PRR33: variants seen among roughly 807,000 people sequenced by gnomAD.
PRR33 encodes the protein proline-rich protein 33.
A neutral mutation model predicts 0.5 loss-of-function variants in PRR33; 1 was observed. The ratio of observed to expected loss-of-function variants is 2.18; its 90% CI spans 0.77 to 10.34. The LOEUF (loss-of-function observed/expected upper bound fraction) is 10.34, where lower values mean the gene tolerates loss of function less well. Ranked by LOEUF, PRR33 falls within the 30% of genes most tolerant of loss-of-function variation. PRR33 has a pLI of 0.13. For missense variants in PRR33, 552 were observed against 251.8 expected, an observed-to-expected ratio of 2.19 and a Z score of -8.07; for synonymous variants, 226 against 110.0, an observed-to-expected ratio of 2.06 and a Z score of -6.60.
the PRR33 span, among the ~76,000 whole-genome samples, chr11:1,915,777 G>T: frequency 7.6e-6 from 1 of 132,238 alleles, no homozygotes; most frequent in African/African-American, 2.8e-5. Flanking sequence ...ATGGATGAAG[G>T]GAGGGTGGAT....
chr11:1,914,706 C>T, the PRR33 span, among the ~76,000 whole-genome samples: 2 of 136,838 alleles, frequency 1.5e-5, no homozygotes, highest in Non-Finnish European at 3.1e-5. Context: ...GGGTCACACA[C>T]CTGGGGATGA....
chr11:1,889,789 C>T, exon 1 of PRR33: 1 of 647,180 alleles, frequency 1.5e-6, no homozygotes, highest in Non-Finnish European at 2.8e-6. Context: ...GGCACCACAA[C>T]CCTGGCACTA....
the PRR33 span, among the ~76,000 whole-genome samples, chr11:1,906,322 C>T: frequency 1.3e-5 from 2 of 152,028 alleles, no homozygotes; most frequent in Non-Finnish European, 1.5e-5. Context: ...CTGGCTTTTT[C>T]GCTGTAACTC....
chr11:1,914,582 C>CTGTGTGTG, the PRR33 span, among the ~76,000 whole-genome samples: 355 of 130,278 alleles, frequency 2.7e-3, 2 homozygotes, highest in African/African-American at 9.4e-3. Flanking sequence ...GGATGTTGCT[C>CTGTGTGTG]TGTGTGTGTG....
the PRR33 span, among the ~76,000 whole-genome samples, chr11:1,914,521 G>A: frequency 6.8e-6 from 1 of 147,618 alleles, no homozygotes; most frequent in African/African-American, 2.5e-5. Flanking sequence ...CACCAGGGAT[G>A]ATGTTGCTCT....
the PRR33 span, among the ~76,000 whole-genome samples, chr11:1,916,977 T>C: frequency 6.6e-6 from 1 of 152,168 alleles, no homozygotes; most frequent in African/African-American, 2.4e-5. Context: ...CCAGACACCC[T>C]GTGACCCTTG....
At chr11:1,900,772 T>C in the PRR33 span, among the ~76,000 whole-genome samples, 7 of 152,244 alleles carry the variant, frequency 4.6e-5, no homozygotes, top group Non-Finnish European at 1.0e-4. Context: ...TAATGACGTA[T>C]TCACAAACAA....
chr11:1,893,449 C>CTGGATGGA (rs572776479), upstream of PRR33, among the ~76,000 whole-genome samples: 343 of 145,500 alleles, frequency 2.4e-3, no homozygotes, highest in African/African-American at 7.1e-3. Context: ...GGCTGGCTGG[C>CTGGATGGA]TGGATGGATG....
chr11:1,897,218 G>A, the PRR33 span, among the ~76,000 whole-genome samples: 36 of 152,348 alleles, frequency 2.4e-4, 2 homozygotes, highest in African/African-American at 8.4e-4. This position sits in a 1 kb window ranked among gnomAD's most constrained non-coding sequence, Gnocchi z 4.0. Context: ...GGATGGAGAA[G>A]GCGGAACATA....
the PRR33 span, among the ~76,000 whole-genome samples, chr11:1,915,216 T>C: frequency 4.2e-5 from 6 of 141,344 alleles, no homozygotes; most frequent in Middle Eastern, 8.5e-3. Context: ...GTGTGTGTCT[T>C]GTGGGGTGTA....
the PRR33 span, among the ~76,000 whole-genome samples, chr11:1,915,942 T>G: frequency 6.8e-6 from 1 of 147,932 alleles, no homozygotes; most frequent in Non-Finnish European, 1.5e-5. Flanking sequence ...GATGGATGGA[T>G]GGATGGCGGG....
chr11:1,888,908 C>T, exon 1 of PRR33: 1 of 463,176 alleles, frequency 2.2e-6, no homozygotes, highest in Non-Finnish European at 3.8e-6. Flanking sequence ...CTGTTCCCCT[C>T]ACACCACTGC....
chr11:1,895,208 C>G (rs1346031878), upstream of PRR33, among the ~76,000 whole-genome samples: 2 of 152,102 alleles, frequency 1.3e-5, no homozygotes, highest in East Asian at 3.9e-4. Flanking sequence ...TCTTGGCCCA[C>G]TGCAACCTCC....
chr11:1,913,559 T>C, the PRR33 span, among the ~76,000 whole-genome samples: 1 of 152,168 alleles, frequency 6.6e-6, no homozygotes, highest in Non-Finnish European at 1.5e-5. Flanking sequence ...CCTCACCCAC[T>C]CTCCCTGACC....
At chr11:1,888,005 G>A (rs886401337), downstream of PRR33, among the ~76,000 whole-genome samples, 3 of 152,172 alleles carry the variant, frequency 2.0e-5, no homozygotes, top group African/African-American at 7.2e-5. Context: ...CCTACTCCCT[G>A]TCCCAGCCGA....
At chr11:1,911,848 C>A in the PRR33 span, among the ~76,000 whole-genome samples, 1 of 151,558 alleles carries the variant, frequency 6.6e-6, no homozygotes, top group East Asian at 1.9e-4. Flanking sequence ...TTCTGATGTA[C>A]AACTATTATT....
the PRR33 span, among the ~76,000 whole-genome samples, chr11:1,912,082 G>T: frequency 6.6e-6 from 1 of 151,360 alleles, no homozygotes; most frequent in Admixed American, 6.6e-5. Context: ...TGAGGTGGGG[G>T]AGATCGCTTG....
chr11:1,896,282 A>C (rs1308028849), upstream of PRR33, among the ~76,000 whole-genome samples: 2 of 152,206 alleles, frequency 1.3e-5, no homozygotes, highest in African/African-American at 4.8e-5. Context: ...CTAATCCACG[A>C]ACCTTGGATG....
At chr11:1,910,982 A>G in the PRR33 span, among the ~76,000 whole-genome samples, 1 of 152,130 alleles carries the variant, frequency 6.6e-6, no homozygotes, top group African/African-American at 2.4e-5. Flanking sequence ...GATCAGTGAT[A>G]TGTGTTACAA....
Sources: gnomAD v4.1 joint callset for allele counts (sites outside exome capture counted in the v4.1 genomes callset) on GRCh38, gnomAD v4.1.1 for gene constraint, Gnocchi (gnomAD v3.1) non-coding constraint, MANE v1.5 for transcripts, NCBI Gene and HGNC (gene_info 2026-07-23, HGNC 2026-07-21) for gene names.